Variants in RMND5B observed in about 807,000 individuals in gnomAD.
RMND5B encodes the protein E3 ubiquitin-protein transferase RMND5B.
Under a neutral mutation model 50.4 loss-of-function variants are expected in RMND5B, and 42 were observed. The observed-to-expected ratio is 0.83, with a 90% CI of 0.65 to 1.08. RMND5B has a LOEUF of 1.08. Among genes scored for constraint, RMND5B ranks in the 50% least tolerant of loss-of-function variants. The probability of loss-of-function intolerance (pLI) is 0.00; values close to 1 mark genes in which losing one functional copy is unlikely to be tolerated. For synonymous variants in RMND5B, 220 were observed against 210.0 expected (o/e 1.05, Z -0.41); for missense variants, 463 against 508.5 (o/e 0.91, Z 0.86).
Position 178,137,205 on chromosome 5 carries a change from C to T in RMND5B, c.-12-903C>T, listed in dbSNP as rs1381579073. Among the ~76,000 whole-genome samples, 1 of 152,070 alleles carries T rather than the reference C, an allele frequency of 6.6e-6. No homozygotes were observed. Among genetic ancestry groups the T allele is most frequent in the Middle Eastern group, 3.4e-3 (1 of 294 alleles). ...ACAGCAAGGGTTCTGTGCCTGTCCT[C>T]GGGTGTGCGGCGGGTGAGGGTGAGG... On this transcript the variant is annotated intron_variant, in intron 2 of 10. Coordinates refer to ENST00000313386, the MANE Select transcript of RMND5B (RefSeq NM_022762.5). The surrounding 1 kb of genome is among the most constrained non-coding windows in gnomAD (Gnocchi z 4.4).
At position 178,150,484 on chromosome 5, in the gene RMND5B, G is replaced by A; in HGVS notation, c.*2452G>A. ...CAGCCTTGAACTCCTGGGTTCAAGT[G>A]ATCTCCTGCTTTAGCCTCCCAAGTG... On this transcript the variant is annotated 3_prime_UTR_variant, in exon 11 of 11. Coordinates refer to ENST00000313386, the MANE Select transcript of RMND5B (RefSeq NM_022762.5). 2.8e-6 allele frequency: 1 copy of A among 359,424 alleles called. No homozygotes were observed. Among genetic ancestry groups the A allele is most frequent in the South Asian group, 2.1e-5 (1 of 47,014 alleles). 22.3% of individuals were successfully genotyped at this position (359,424 alleles called of 1,614,324 possible). A position where few individuals can be genotyped will look rare whatever the true frequency, so the allele number is the denominator to read the frequency against.
In RMND5B at chr5:178,149,953, C is replaced by G. The variant is rs777361224; in HGVS notation, c.*1921C>G. 4.4e-6 allele frequency: 5 copies of G among 1,144,796 alleles called. No individual in the cohort carries two copies. Among genetic ancestry groups the G allele is most frequent in the Non-Finnish European group, 6.3e-6 (5 of 795,962 alleles). 70.9% of individuals were successfully genotyped at this position (1,144,796 alleles called of 1,614,324 possible). A position where few individuals can be genotyped will look rare whatever the true frequency, so the allele number is the denominator to read the frequency against. Reference sequence around the variant, plus strand: ...GGCCCACAACCATGTTCTGTTCGGTCCATGTTCTATTTAAAAGCATCTTGA... The same window carrying G: ...GGCCCACAACCATGTTCTGTTCGGTGCATGTTCTATTTAAAAGCATCTTGA... On this transcript the variant is annotated 3_prime_UTR_variant, in exon 11 of 11. Transcript: ENST00000313386.
intron 6 of RMND5B, 39 bp from the exon 7 acceptor site, chr5:178,143,903 C>T (rs1473457188): frequency 1.2e-6 from 2 of 1,604,560 alleles, no homozygotes; most frequent in Non-Finnish European, 1.7e-6. Flanking sequence ...GGTCCTAGCC[C>T]CCACCAGCTC....
intron 7 of RMND5B, among the ~76,000 whole-genome samples, 197 bp downstream of exon 7, chr5:178,144,305 T>G (rs977283067): frequency 3.3e-5 from 5 of 152,314 alleles, no homozygotes; most frequent in African/African-American, 1.2e-4. Flanking sequence ...CTGCCATACC[T>G]TTAGTTTATA....
chr5:178,143,954 C>T lies in RMND5B; in HGVS notation c.540C>T (p.Ser180=). Reference sequence around the variant, plus strand: ...CCTTTCTTCCCAGATGGGCCGTCTCCCACAGGCAGCGCCTGCTGGAACTCA... The same window carrying T: ...CCTTTCTTCCCAGATGGGCCGTCTCTCACAGGCAGCGCCTGCTGGAACTCA... The part of the protein sequence containing the change: ...DLGPALEWAV[S]HRQRLLELNS... The change falls in exon 7 of 11, where the codon TCC becomes TCT. Residue 180 remains serine, a synonymous_variant. Transcript: ENST00000313386. The T allele has an allele frequency of 1.2e-6, 2 of 1,614,242 alleles. No homozygotes were observed. The highest frequency in any genetic ancestry group is 1.7e-6 in the Non-Finnish European group (2 of 1,180,030).
chr5:178,134,548 G>A (rs114692901), intron 2 of RMND5B, among the ~76,000 whole-genome samples: 71 of 152,242 alleles, frequency 4.7e-4, no homozygotes, highest in African/African-American at 1.5e-3. Context: ...AATTCCTTGC[G>A]CCTGGTGAAG....
At chr5:178,147,926 A>G in intron 10 of RMND5B, 43 bp downstream of exon 10, 1 of 1,613,776 alleles carries the variant, frequency 6.2e-7, no homozygotes, top group South Asian at 1.1e-5. Flanking sequence ...TGGCTCTCCT[A>G]CTGGCCACCC....
intron 3 of RMND5B, among the ~76,000 whole-genome samples, chr5:178,139,150 TAAATC>T (rs1408968107): frequency 6.6e-6 from 1 of 151,304 alleles, no homozygotes; most frequent in African/African-American, 2.4e-5. Context: ...ACAAAATAAA[TAAATC>T]AATCCAAGAA....
In RMND5B at chr5:178,143,617, C is replaced by T. The variant is rs375411539; in HGVS notation, c.427-10C>T. 44 of 1,601,736 alleles carry T rather than the reference C, an allele frequency of 2.7e-5. No homozygotes were observed. Among genetic ancestry groups the T allele is most frequent in the Non-Finnish European group, 3.6e-5 (42 of 1,168,912 alleles). On this transcript the variant is annotated splice_polypyrimidine_tract_variant and intron_variant, in intron 5 of 10. Transcript: ENST00000313386. ...TCCAGTGGTGGGATCTCTTCTCTCTCTCCTTGTAGGAATCAACGCTGAATG... is the reference window on the plus strand; with the variant it reads ...TCCAGTGGTGGGATCTCTTCTCTCTTTCCTTGTAGGAATCAACGCTGAATG...
At chr5:178,142,201 G>A (rs578135486) in intron 3 of RMND5B, 82 of 184,564 alleles carry the variant, frequency 4.4e-4, no homozygotes, top group Non-Finnish European at 8.4e-4. Flanking sequence ...TATATCCTTC[G>A]GAGTGGAACT....
rs570661601 is a variant in RMND5B at position 178,149,949 on chromosome 5, C to T, written c.*1917C>T. The T allele has an allele frequency of 6.5e-5, 77 of 1,187,460 alleles. No individual in the cohort carries two copies. In the East Asian group the frequency reaches 7.4e-4, roughly 11 times the overall value. The allele number at this position is 1,187,460 out of a possible 1,614,324, so 73.6% of individuals were successfully genotyped here. A position where few individuals can be genotyped will look rare whatever the true frequency, so the allele number is the denominator to read the frequency against. ...ATCTGGCCCACAACCATGTTCTGTT[C>T]GGTCCATGTTCTATTTAAAAGCATC... On this transcript the variant is annotated 3_prime_UTR_variant, in exon 11 of 11. Coordinates refer to ENST00000313386, the MANE Select transcript of RMND5B (RefSeq NM_022762.5).
rs1756207991 is a variant in RMND5B, at chr5:178,149,624, T to G, written c.*1592T>G. ...GCCTTGGGGAACTGGGAAGATGCCG[T>G]CAGTGTGGGTGGGCAGGAGGACAGC... On this transcript the variant is annotated 3_prime_UTR_variant, in exon 11 of 11. Coordinates refer to ENST00000313386, the MANE Select transcript of RMND5B (RefSeq NM_022762.5). 1.4e-5 allele frequency: 22 copies of G among 1,566,092 alleles called. No individual in the cohort carries two copies. In the South Asian group the frequency reaches 2.1e-4, roughly 15 times the overall value.
At chr5:178,143,394 G>A (rs1755795695) in intron 5 of RMND5B, among the ~76,000 whole-genome samples, 1 of 151,938 alleles carries the variant, frequency 6.6e-6, no homozygotes, top group African/African-American at 2.4e-5. Flanking sequence ...CCACTGCTAC[G>A]GTTGTGGGGT....
intron 6 of RMND5B, 91 bp downstream of exon 6, chr5:178,143,818 C>A: frequency 6.9e-7 from 1 of 1,453,790 alleles, no homozygotes; most frequent in East Asian, 2.3e-5. Flanking sequence ...CCCAGATGTA[C>A]TTGACTTGCC....
At chr5:178,134,996 C>T (rs941436196) in intron 2 of RMND5B, among the ~76,000 whole-genome samples, 1 of 149,086 alleles carries the variant, frequency 6.7e-6, no homozygotes, top group Non-Finnish European at 1.5e-5. Context: ...AAAAAAATTA[C>T]TGAGTTAATC....
In RMND5B at chr5:178,142,645, A is replaced by T. The variant is rs1340835292; in HGVS notation, c.202A>T (p.Ile68Phe). ...GGTGATGTCACAGTGCTGCCGGAAG[A>T]TCAAAGATACGGTGCAGAAACTGGC... Reference protein sequence around the residue: ...SLVMSQCCRKIKDTVQKLASD... With the variant: ...SLVMSQCCRKFKDTVQKLASD... Residue 68 changes from isoleucine to phenylalanine, a missense_variant, in exon 4 of 11, where the codon ATC becomes TTC. By Grantham distance (21) the Ile-to-Phe change is conservative (BLOSUM62 0). Coordinates refer to ENST00000313386, the MANE Select transcript of RMND5B (RefSeq NM_022762.5). 6.2e-7 allele frequency: 1 copy of T among 1,614,244 alleles called. No homozygotes were observed. Among genetic ancestry groups the T allele is most frequent in the Non-Finnish European group, 8.5e-7 (1 of 1,180,030 alleles).
At chr5:178,143,057 G>A (rs2113422326) in intron 5 of RMND5B, 65 bp downstream of exon 5, 5 of 1,536,896 alleles carry the variant, frequency 3.3e-6, no homozygotes, top group Non-Finnish European at 4.4e-6. Flanking sequence ...AGTTTTCACT[G>A]TATGAAGTCC....
chr5:178,138,193 G>A lies in RMND5B; in HGVS notation c.74G>A (p.Cys25Tyr). Residue 25 changes from cysteine to tyrosine, a missense_variant, in exon 3 of 11, where the codon TGT becomes TAT. Coordinates refer to ENST00000313386, the MANE Select transcript of RMND5B (RefSeq NM_022762.5). This position sits in a 1 kb window ranked among gnomAD's most constrained non-coding sequence, Gnocchi z 5.1. ...AAGTTCCTGACCTACGGGCAGCACT[G>A]TGAGCGGAGCCTGGAGGAGCTGCTG... ...LQKFLTYGQH[C>Y]ERSLEELLHY... The A allele has an allele frequency of 6.2e-7, 1 of 1,614,026 alleles. No homozygotes were observed. Among genetic ancestry groups the A allele is most frequent in the Non-Finnish European group, 8.5e-7 (1 of 1,179,968 alleles).
At chr5:178,146,037 GCA>G in intron 7 of RMND5B, 75 bp from the exon 8 acceptor site, 1 of 1,478,426 alleles carries the variant, frequency 6.8e-7, no homozygotes, top group East Asian at 2.3e-5. Context: ...GTGCTGTGCT[GCA>G]CAGTCCTGCT....
Sources: gnomAD v4.1 joint callset for allele counts (sites outside exome capture counted in the v4.1 genomes callset) on GRCh38, gnomAD v4.1.1 for gene constraint, Gnocchi (gnomAD v3.1) non-coding constraint, MANE v1.5 for transcripts, NCBI Gene and HGNC (gene_info 2026-07-23, HGNC 2026-07-21) for gene names.